STK32A: variants seen among roughly 807,000 people sequenced by gnomAD.
STK32A encodes serine/threonine kinase 32A, also known as serine/threonine-protein kinase 32A.
In STK32A, 41 loss-of-function variants were observed where a neutral mutation model predicts 53.2. The ratio of observed to expected loss-of-function variants is 0.77; its 90% CI spans 0.60 to 1.00. STK32A has a LOEUF of 1.00. Among genes scored for constraint, STK32A ranks in the 50% least tolerant of loss-of-function variants. The pLI, the probability that STK32A is intolerant of heterozygous loss-of-function variation, is 0.00. For missense variants in STK32A, 458 were observed against 485.8 expected (o/e 0.94, Z 0.54); for synonymous variants, 166 against 162.8 (o/e 1.02, Z -0.15).
intron 4 of STK32A, among the ~76,000 whole-genome samples, chr5:147,323,585 C>A (rs536900852): frequency 6.6e-6 from 1 of 152,238 alleles, no homozygotes; most frequent in South Asian, 2.1e-4. Flanking sequence ...AACTTGGGTT[C>A]TCTTCATTTT....
chr5:147,351,810 G>T (rs1755998427), intron 7 of STK32A, among the ~76,000 whole-genome samples: 1 of 152,134 alleles, frequency 6.6e-6, no homozygotes, highest in Non-Finnish European at 1.5e-5. Flanking sequence ...TCGCGCCATT[G>T]CACTCCAGCC....
At chr5:147,278,585 C>T (rs1048946379) in intron 3 of STK32A, among the ~76,000 whole-genome samples, 1 of 152,128 alleles carries the variant, frequency 6.6e-6, no homozygotes, top group Non-Finnish European at 1.5e-5. Flanking sequence ...TTTGTTTCCT[C>T]ATTTGTCTAA....
At chr5:147,271,018 C>T (rs575832173) in intron 2 of STK32A, among the ~76,000 whole-genome samples, 6 of 146,636 alleles carry the variant, frequency 4.1e-5, no homozygotes, top group African/African-American at 7.8e-5. Context: ...TTTTTTTTGA[C>T]GGTGTCTTGC....
chr5:147,351,254 C>T, intron 7 of STK32A, 100 bp downstream of exon 7: 1 of 1,002,368 alleles, frequency 1.0e-6, no homozygotes, highest in South Asian at 1.5e-5. Flanking sequence ...CTGGTAAGTT[C>T]CTCTCTGACT....
intron 5 of STK32A, among the ~76,000 whole-genome samples, chr5:147,329,364 G>C (rs1754752534): frequency 6.6e-6 from 1 of 152,050 alleles, no homozygotes; most frequent in Non-Finnish European, 1.5e-5. Flanking sequence ...TGACAGTGAA[G>C]AAAAAAATCT....
chr5:147,247,919 C>T (rs141738864), intron 2 of STK32A, among the ~76,000 whole-genome samples: 4 of 151,918 alleles, frequency 2.6e-5, no homozygotes, highest in African/African-American at 4.8e-5. Flanking sequence ...GTCACGAGTT[C>T]GAGACCAGCC....
At chr5:147,265,204 A>G (rs1336971289) in intron 2 of STK32A, among the ~76,000 whole-genome samples, 1 of 150,950 alleles carries the variant, frequency 6.6e-6, no homozygotes, top group Non-Finnish European at 1.5e-5. Flanking sequence ...GAAAAGTCAG[A>G]TAAATTTCCT....
intron 4 of STK32A, among the ~76,000 whole-genome samples, chr5:147,292,249 T>C (rs533103167): frequency 6.6e-6 from 1 of 152,340 alleles, no homozygotes; most frequent in African/African-American, 2.4e-5. Flanking sequence ...TGGTCATATC[T>C]GAAAGTATGT....
At chr5:147,293,580 AT>A (rs1752715527) in intron 4 of STK32A, among the ~76,000 whole-genome samples, 1 of 151,288 alleles carries the variant, frequency 6.6e-6, no homozygotes, top group Non-Finnish European at 1.5e-5. Context: ...TACTCAAAAT[AT>A]TTTTACAGGT....
intron 8 of STK32A, among the ~76,000 whole-genome samples, chr5:147,364,494 C>T (rs985949917): frequency 6.6e-6 from 1 of 152,170 alleles, no homozygotes; most frequent in Admixed American, 6.5e-5. Flanking sequence ...GGCATTTGTT[C>T]CAGCAGCATT....
chr5:147,261,810 G>A (rs1754585509), intron 2 of STK32A, among the ~76,000 whole-genome samples: 1 of 152,074 alleles, frequency 6.6e-6, no homozygotes, highest in South Asian at 2.1e-4. Flanking sequence ...TATATACAAA[G>A]TTTATTTTGT....
intron 4 of STK32A, among the ~76,000 whole-genome samples, chr5:147,316,937 A>C (rs1754024629): frequency 6.6e-6 from 1 of 151,696 alleles, no homozygotes; most frequent in Non-Finnish European, 1.5e-5. Context: ...TAACTAAATA[A>C]TTGATTAAAG....
chr5:147,278,306 T>C, intron 3 of STK32A, 127 bp downstream of exon 3: 1 of 798,858 alleles, frequency 1.3e-6, no homozygotes, highest in Non-Finnish European at 2.0e-6. Flanking sequence ...AAAATGTTTT[T>C]GTAATGGATT....
the STK32A span, chr5:147,397,883 T>TATAGAA: frequency 1.8e-6 from 2 of 1,119,938 alleles, no homozygotes; most frequent in Non-Finnish European, 2.4e-6. Context: ...ACAGTAAGGG[T>TATAGAA]AGAGAAAGAG....
intron 4 of STK32A, among the ~76,000 whole-genome samples, chr5:147,314,105 T>C (rs1166472648): frequency 6.6e-6 from 1 of 152,126 alleles, no homozygotes; most frequent in Non-Finnish European, 1.5e-5. Context: ...TTTATGCTTT[T>C]TATACTTCAA....
Position 147,355,393 on chromosome 5 carries a change from G to C in STK32A, c.562+4239G>C, listed in dbSNP as rs12520257. 0.013 allele frequency among the ~76,000 whole-genome samples: 2,005 copies of C among 152,100 alleles called. 140 individuals carry two copies. The East Asian group carries it at 0.2, about 16-fold the overall frequency. ...AGAGTTAACCAATTAAAACCTTCTCGGCCGGGCGCGGTGGCTCACCCTGTA... is the reference window on the plus strand; with the variant it reads ...AGAGTTAACCAATTAAAACCTTCTCCGCCGGGCGCGGTGGCTCACCCTGTA... On this transcript the variant is annotated intron_variant, in intron 7 of 12. Transcript: ENST00000397936.
At chr5:147,328,748 C>G (rs191966623) in intron 5 of STK32A, among the ~76,000 whole-genome samples, 2 of 152,224 alleles carry the variant, frequency 1.3e-5, no homozygotes, top group Admixed American at 1.3e-4. Context: ...TAGTACTATT[C>G]TATTTGTTGA....
intron 2 of STK32A, among the ~76,000 whole-genome samples, chr5:147,260,030 CTT>C (rs1327850692): frequency 1.4e-5 from 2 of 141,782 alleles, no homozygotes; most frequent in South Asian, 2.2e-4. Flanking sequence ...TGTCCTCTCT[CTT>C]TCTCTCTCCT....
rs182783308 is a variant in STK32A, at chr5:147,258,445, A to G, written c.52+18759A>G. Among the ~76,000 whole-genome samples the G allele has an allele frequency of 3.1e-3, 474 of 152,292 alleles. 4 individuals are homozygous for G. The highest frequency in any genetic ancestry group is 0.011 in the African/African-American group (444 of 41,568). On this transcript the variant is annotated intron_variant, in intron 2 of 12. Coordinates refer to ENST00000397936, the MANE Select transcript of STK32A (RefSeq NM_001112724.2). ...TTTACTTTCCTTATACACCTTGCAC[A>G]TAAACTGTTTCTTCAATAGCTTTAC...
Sources: allele counts gnomAD v4.1 joint callset (sites outside exome capture counted in the v4.1 genomes callset), GRCh38; gene constraint gnomAD v4.1.1; transcripts MANE v1.5; gene names NCBI Gene and HGNC (gene_info 2026-07-23, HGNC 2026-07-21).